The following NCF2 variants were observed in gnomAD, a reference collection of about 807,000 sequenced individuals.
The protein encoded by NCF2 is neutrophil cytosolic factor 2.
A neutral mutation model predicts 70.9 loss-of-function variants in NCF2; 45 were observed. That is an observed-to-expected ratio of 0.63 (90% confidence interval 0.50 to 0.81). The LOEUF is 0.81. NCF2 is among the 40% of genes least tolerant of loss of function. The probability of loss-of-function intolerance (pLI) is 0.00; values close to 1 mark genes in which losing one functional copy is unlikely to be tolerated. For synonymous variants in NCF2, 203 were observed against 233.6 expected (o/e 0.87, Z 1.19); for missense variants, 522 against 631.6 (o/e 0.83, Z 1.86).
At chr1:183,566,835 A>C (rs965618174) in intron 9 of NCF2, 85 bp downstream of exon 9, 6 of 1,546,356 alleles carry the variant, frequency 3.9e-6, no homozygotes, top group Non-Finnish European at 5.3e-6. Context: ...TCCTGACAAC[A>C]CCTCTTTTAC....
chr1:183,569,107 T>C (rs1283191223), intron 7 of NCF2, 35 bp downstream of exon 7: 7 of 1,602,118 alleles, frequency 4.4e-6, no homozygotes, highest in Non-Finnish European at 8.6e-7. Flanking sequence ...GCTTGGCGCT[T>C]GGATATTCTA....
intron 2 of NCF2, among the ~76,000 whole-genome samples, chr1:183,581,699 C>G (rs1196405847): frequency 6.6e-6 from 1 of 151,242 alleles, no homozygotes; most frequent in Non-Finnish European, 1.5e-5. Flanking sequence ...GACAGAGTCT[C>G]GCTCTGTTGC....
intron 2 of NCF2, among the ~76,000 whole-genome samples, chr1:183,578,439 G>A (rs968664444): frequency 7.2e-5 from 11 of 151,748 alleles, no homozygotes; most frequent in Non-Finnish European, 1.3e-4. Flanking sequence ...CTCGCTGCAA[G>A]CTCCACCTCC....
At chr1:183,566,765 C>G (rs1044090259) in intron 9 of NCF2, among the ~76,000 whole-genome samples, 155 bp downstream of exon 9, 2 of 152,236 alleles carry the variant, frequency 1.3e-5, no homozygotes, top group East Asian at 3.8e-4. Context: ...CCAGGTTCAG[C>G]TCTGGGTAGC....
At chr1:183,583,790 G>T (rs1027881190) in intron 2 of NCF2, among the ~76,000 whole-genome samples, 9 of 152,368 alleles carry the variant, frequency 5.9e-5, no homozygotes, top group African/African-American at 1.7e-4. Context: ...GCAGCAGCTG[G>T]ACCACATAGG....
In NCF2 at chr1:183,590,309, G is replaced by C. The variant is rs995270345; in HGVS notation, c.21C>G (p.Ile7Met). 14 of 1,613,986 alleles carry C rather than the reference G, an allele frequency of 8.7e-6. No individual in the cohort carries two copies. The African/African-American group carries it at 1.6e-4, about 18-fold the overall frequency. ...CCAGCACCCCTTCATTCCAGAGGCT[G>C]ATGGCCTCCACCAGGGACATGATTA... Reference protein sequence around the residue: MSLVEAISLWNEGVLAA... With the variant: MSLVEAMSLWNEGVLAA... Residue 7 changes from isoleucine (I) to methionine (M), a missense_variant, in exon 1 of 15, where the codon ATC becomes ATG. By Grantham distance (10) the Ile-to-Met change is conservative (BLOSUM62 1). Coordinates refer to ENST00000367535, the MANE Select transcript of NCF2 (RefSeq NM_000433.4).
intron 2 of NCF2, among the ~76,000 whole-genome samples, chr1:183,580,300 C>T (rs1220654787): frequency 2.0e-5 from 3 of 152,168 alleles, no homozygotes; most frequent in Non-Finnish European, 2.9e-5. Flanking sequence ...GTCTTTTCCA[C>T]GCATCTTTCT....
chr1:183,587,982 T>C (rs1673438837), intron 1 of NCF2, among the ~76,000 whole-genome samples: 1 of 152,250 alleles, frequency 6.6e-6, no homozygotes, highest in African/African-American at 2.4e-5. Flanking sequence ...TATGATTAGA[T>C]AGAAGCTTTG....
intron 2 of NCF2, among the ~76,000 whole-genome samples, chr1:183,581,622 C>T (rs1167342412): frequency 1.3e-5 from 2 of 151,646 alleles, no homozygotes; most frequent in Non-Finnish European, 2.9e-5. Context: ...AGCCACTGCA[C>T]AGGGCCTAAT....
At chr1:183,565,447 G>A (rs568364678) in intron 10 of NCF2, among the ~76,000 whole-genome samples, 2 of 152,288 alleles carry the variant, frequency 1.3e-5, no homozygotes, top group Admixed American at 6.5e-5. Flanking sequence ...TGGTGACTAC[G>A]TGAGTCACTC....
At chr1:183,587,480 G>C in intron 1 of NCF2, among the ~76,000 whole-genome samples, 1 of 151,560 alleles carries the variant, frequency 6.6e-6, no homozygotes, top group East Asian at 1.9e-4. Flanking sequence ...TGTGGTCCCA[G>C]CTACTTGGGG....
At chr1:183,580,992 A>T (rs1171370722) in intron 2 of NCF2, among the ~76,000 whole-genome samples, 2 of 149,020 alleles carry the variant, frequency 1.3e-5, no homozygotes, top group Non-Finnish European at 3.0e-5. Context: ...AAAAAAAAAA[A>T]GGTGTCTACA....
intron 9 of NCF2, 139 bp downstream of exon 9, chr1:183,566,781 C>T: frequency 1.9e-6 from 2 of 1,080,108 alleles, no homozygotes; most frequent in Non-Finnish European, 2.8e-6. Context: ...GTAGCTGGTG[C>T]CATCTCAAGG....
At chr1:183,563,971 T>C in intron 11 of NCF2, 34 bp downstream of exon 11, 1 of 1,584,314 alleles carries the variant, frequency 6.3e-7, no homozygotes, top group Non-Finnish European at 8.7e-7. Flanking sequence ...TCCCATCTTC[T>C]ACCACTTGAA....
intron 2 of NCF2, 89 bp from the exon 3 acceptor site, chr1:183,577,796 C>G (rs1334496991): frequency 1.0e-6 from 1 of 954,010 alleles, no homozygotes; most frequent in Admixed American, 1.8e-5. Flanking sequence ...CCTTCCCCAT[C>G]TATTTCACTG....
Position 183,563,480 on chromosome 1 carries a change from T to C in NCF2, c.1132A>G (p.Met378Val). The change falls in exon 12 of 15, where the codon ATG (methionine) becomes GTG (valine). Residue 378 changes from methionine (M) to valine (V), a missense_variant. By Grantham distance (21) the Met-to-Val change is conservative. Coordinates refer to ENST00000367535, the MANE Select transcript of NCF2 (RefSeq NM_000433.4). ...CGGAGCTCCAGTTTCTTAGACACCA[T>C]GTCCCGGACCTGGCTGTAGGGGAGC... ...PGLPYSQVRD[M>V]VSKKLELRLE... The C allele has an allele frequency of 6.2e-7, 1 of 1,614,178 alleles. No homozygotes were observed. The highest frequency in any genetic ancestry group is 8.5e-7 in the Non-Finnish European group (1 of 1,180,018).
intron 6 of NCF2, among the ~76,000 whole-genome samples, chr1:183,569,714 A>G (rs995815358): frequency 3.9e-5 from 6 of 151,982 alleles, no homozygotes; most frequent in Admixed American, 6.6e-5. Context: ...TCAGCCTCCC[A>G]TGTTGCTAGA....
At chr1:183,599,462 CTTTCTTTCTTTCTTTCTTTCTCT>C in the NCF2 span, among the ~76,000 whole-genome samples, 1 of 137,522 alleles carries the variant, frequency 7.3e-6, no homozygotes, top group African/African-American at 2.9e-5. Context: ...TTCTTTCTTT[CTTTCTTTCTTTCTTTCTTTCTCT>C]TTTCTTTCTT....
chr1:183,588,302 G>A (rs1196609560), intron 1 of NCF2, among the ~76,000 whole-genome samples: 3 of 151,980 alleles, frequency 2.0e-5, no homozygotes, highest in African/African-American at 7.3e-5. Flanking sequence ...AATAGGAGAA[G>A]CTTCTTTGAA....
Sources: gnomAD v4.1 joint callset for allele counts (sites outside exome capture counted in the v4.1 genomes callset) on GRCh38, gnomAD v4.1.1 for gene constraint, MANE v1.5 for transcripts, NCBI Gene and HGNC (gene_info 2026-07-23, HGNC 2026-07-21) for gene names.